NTM: variants seen among roughly 807,000 people sequenced by gnomAD.
NTM encodes the protein neurotrimin.
In NTM, 13 loss-of-function variants were observed where a neutral mutation model predicts 42.1. That is an observed-to-expected ratio of 0.31 (90% CI 0.20 to 0.49). The LOEUF (loss-of-function observed/expected upper bound fraction) is 0.49, where lower values mean the gene tolerates loss of function less well. Among genes scored for constraint, NTM ranks in the 20% least tolerant of loss-of-function variants. The pLI is 0.99. For missense variants in NTM, 373 were observed against 452.8 expected (o/e 0.82, Z 1.60); for synonymous variants, 187 against 179.2 (o/e 1.04, Z -0.35).
intron 1 of NTM, among the ~76,000 whole-genome samples, chr11:131,789,581 A>C (rs1220420314): frequency 1.7e-5 from 1 of 59,028 alleles, no homozygotes; most frequent in Non-Finnish European, 3.2e-5. Flanking sequence ...GAAGAAGAAG[A>C]AGAAGAAGAA....
intron 2 of NTM, among the ~76,000 whole-genome samples, chr11:132,135,567 C>A (rs937653505): frequency 4.6e-5 from 7 of 152,194 alleles, no homozygotes; most frequent in African/African-American, 1.2e-4. Context: ...CAAAGACCCA[C>A]CAGGGTGACC....
intron 4 of NTM, among the ~76,000 whole-genome samples, chr11:132,216,715 T>A (rs1014454130): frequency 1.3e-5 from 2 of 152,222 alleles, no homozygotes; most frequent in African/African-American, 4.8e-5. Context: ...AAGTGTTTAA[T>A]AAATATTGGT....
Position 132,003,228 on chromosome 11 carries a change from C to T in NTM, c.167+91580C>T, listed in dbSNP as rs1233166572. ...CTGGAGGCTTGTTGAATCCGGATTC[C>T]TCCACCCACACCCTTAGAGTTTTTT... On this transcript the variant is annotated intron_variant, in intron 2 of 8. Transcript: ENST00000683400. This position sits in a 1 kb window ranked among gnomAD's most constrained non-coding sequence, Gnocchi z 6.0. Among the ~76,000 whole-genome samples the T allele has an allele frequency of 6.6e-6, 1 of 151,114 alleles. No individual in the cohort carries two copies.
chr11:131,444,890 G>A (rs187815391), intron 1 of NTM, among the ~76,000 whole-genome samples: 224 of 152,242 alleles, frequency 1.5e-3, no homozygotes, highest in African/African-American at 5.2e-3. Context: ...GAAATAGTGA[G>A]ATTACATTAG....
chr11:131,836,199 G>A lies in NTM; in HGVS notation c.83-75365G>A, dbSNP rs57162662. Among the ~76,000 whole-genome samples, 430 of 152,240 alleles carry A rather than the reference G, an allele frequency of 2.8e-3. 1 individual carries two copies. The highest frequency in any genetic ancestry group is 9.8e-3 in the African/African-American group (408 of 41,552). On this transcript the variant is annotated intron_variant, in intron 1 of 8. Transcript: ENST00000683400. Reference sequence around the variant, plus strand: ...CTCATTTTTTCTATATGTATGTAATGTTTCAACAAAACTTTTCTTAAAATT... The same window carrying A: ...CTCATTTTTTCTATATGTATGTAATATTTCAACAAAACTTTTCTTAAAATT...
intron 7 of NTM, chr11:132,315,037 G>GAGAT (rs879315300): frequency 1.1e-4 from 118 of 1,085,140 alleles, no homozygotes; most frequent in African/African-American, 1.5e-4. Context: ...AAAAGATCCC[G>GAGAT]AGATAGGAGA....
chr11:131,686,984 G>A (rs1322070799), intron 1 of NTM, among the ~76,000 whole-genome samples: 1 of 152,102 alleles, frequency 6.6e-6, no homozygotes, highest in African/African-American at 2.4e-5. Flanking sequence ...TGGGGGCAGC[G>A]GAGCCCAGGC....
At chr11:131,535,008 A>G (rs1198055849) in intron 1 of NTM, 1 of 152,214 alleles carries the variant, frequency 6.6e-6, no homozygotes, top group Non-Finnish European at 1.5e-5. Flanking sequence ...ACCACCACTG[A>G]AGGTGTTTTA....
intron 1 of NTM, among the ~76,000 whole-genome samples, chr11:131,402,107 C>G (rs941166999): frequency 1.3e-5 from 2 of 151,368 alleles, no homozygotes; most frequent in Admixed American, 1.3e-4. Context: ...GGCAAAGGGT[C>G]GTCATTGACC....
chr11:131,645,631 T>C (rs1333838981), intron 1 of NTM, among the ~76,000 whole-genome samples: 1 of 152,274 alleles, frequency 6.6e-6, no homozygotes, highest in Non-Finnish European at 1.5e-5. Context: ...GGCATTCTTC[T>C]AGTTCTTACG....
At chr11:131,725,963 A>G (rs1296830888) in intron 1 of NTM, among the ~76,000 whole-genome samples, 1 of 152,112 alleles carries the variant, frequency 6.6e-6, no homozygotes, top group Non-Finnish European at 1.5e-5. Context: ...GTCTCTGGGG[A>G]TGATTCTGCT....
At chr11:132,316,130 C>T (rs2095423276) in intron 7 of NTM, among the ~76,000 whole-genome samples, 1 of 150,738 alleles carries the variant, frequency 6.6e-6, no homozygotes, top group African/African-American at 2.5e-5. Context: ...CCACCCCCCA[C>T]TTTGACCTAC....
intron 1 of NTM, among the ~76,000 whole-genome samples, chr11:131,830,826 G>T (rs886788537): frequency 2.0e-5 from 3 of 152,092 alleles, no homozygotes; most frequent in African/African-American, 7.2e-5. Context: ...TCATTTGTTT[G>T]TGTCATCTTT....
At chr11:131,812,882 C>T (rs1001351412) in intron 1 of NTM, among the ~76,000 whole-genome samples, 1 of 152,100 alleles carries the variant, frequency 6.6e-6, no homozygotes, top group Non-Finnish European at 1.5e-5. Flanking sequence ...AGCAAAGGAG[C>T]ATGTGAGGAG....
intron 1 of NTM, among the ~76,000 whole-genome samples, chr11:131,818,987 A>G (rs2093065377): frequency 6.6e-6 from 1 of 152,208 alleles, no homozygotes; most frequent in African/African-American, 2.4e-5. Flanking sequence ...GAAGATACCT[A>G]GCTATCATCC....
intron 2 of NTM, among the ~76,000 whole-genome samples, chr11:132,046,218 G>T (rs182544901): frequency 3.1e-4 from 47 of 152,318 alleles, no homozygotes; most frequent in African/African-American, 1.1e-3. Context: ...GGACCAGTGT[G>T]TGCACAGCTA....
At chr11:132,149,121 G>GT (rs1173573531) in intron 3 of NTM, among the ~76,000 whole-genome samples, 1 of 150,220 alleles carries the variant, frequency 6.7e-6, no homozygotes, top group African/African-American at 2.5e-5. Context: ...GAGGACCATA[G>GT]TTTTTTCAGA....
intron 1 of NTM, among the ~76,000 whole-genome samples, chr11:131,831,206 T>A (rs2042778987): frequency 6.6e-6 from 1 of 152,148 alleles, no homozygotes; most frequent in Non-Finnish European, 1.5e-5. Flanking sequence ...GGGACTCACT[T>A]TTAAAATTAA....
chr11:131,731,603 C>T (rs981671427), intron 1 of NTM, among the ~76,000 whole-genome samples: 3 of 152,170 alleles, frequency 2.0e-5, no homozygotes, highest in East Asian at 3.9e-4. Flanking sequence ...CAGTCCTCCA[C>T]GTGGACCTGG....
Sources: allele counts gnomAD v4.1 joint callset (sites outside exome capture counted in the v4.1 genomes callset), GRCh38; gene constraint gnomAD v4.1.1; non-coding constraint Gnocchi (gnomAD v3.1); transcripts MANE v1.5; gene names NCBI Gene and HGNC (gene_info 2026-07-23, HGNC 2026-07-21).